The following EPB41L5 variants were observed in gnomAD, a reference collection of about 807,000 sequenced individuals.
EPB41L5 encodes the protein erythrocyte membrane protein band 4.1 like 5, also known as band 4.1-like protein 5.
A neutral mutation model predicts 106.6 loss-of-function variants in EPB41L5; 55 were observed. That is an observed-to-expected ratio of 0.52 (90% confidence interval 0.42 to 0.65). The LOEUF is 0.65. Among genes scored for constraint, EPB41L5 ranks in the 30% least tolerant of loss-of-function variants. EPB41L5 has a pLI of 0.00. For missense variants in EPB41L5, 871 were observed against 882.1 expected (o/e 0.99, Z 0.16); for synonymous variants, 297 against 306.7 (o/e 0.97, Z 0.33).
At chr2:120,159,316 G>A (rs1004437068) in intron 20 of EPB41L5, among the ~76,000 whole-genome samples, 4 of 150,254 alleles carry the variant, frequency 2.7e-5, no homozygotes, top group African/African-American at 9.8e-5. Flanking sequence ...CCAGCTACTC[G>A]GGAGGCTGAG....
At chr2:120,160,693 A>G (rs1687102164) in intron 20 of EPB41L5, 188 bp from the exon 21 acceptor site, 1 of 553,272 alleles carries the variant, frequency 1.8e-6, no homozygotes, top group Admixed American at 3.2e-5. Flanking sequence ...TTAAAAAACC[A>G]TTTTAACTGG....
At chr2:120,159,090 G>A (rs1687021640) in intron 20 of EPB41L5, among the ~76,000 whole-genome samples, 1 of 152,094 alleles carries the variant, frequency 6.6e-6, no homozygotes, top group African/African-American at 2.4e-5. Context: ...AGAAATCAGA[G>A]ATGACACAGA....
intron 3 of EPB41L5, among the ~76,000 whole-genome samples, chr2:120,062,111 C>T (rs932524352): frequency 1.3e-5 from 2 of 151,952 alleles, no homozygotes; most frequent in South Asian, 2.1e-4. Flanking sequence ...GAAGTACCAG[C>T]AAATGCAGTT....
At chr2:120,167,427 T>A in intron 22 of EPB41L5, 39 bp from the exon 23 acceptor site, 1 of 1,564,432 alleles carries the variant, frequency 6.4e-7, no homozygotes, top group South Asian at 1.1e-5. Context: ...TAAGTCAGTC[T>A]TTCCAAAAAG....
intron 2 of EPB41L5, among the ~76,000 whole-genome samples, chr2:120,037,794 A>G (rs920126785): frequency 6.6e-6 from 1 of 152,236 alleles, no homozygotes; most frequent in Admixed American, 6.5e-5. Flanking sequence ...TCAGTGGAGA[A>G]AAGACAGTCT....
intron 24 of EPB41L5, among the ~76,000 whole-genome samples, chr2:120,173,804 T>C (rs1327896978): frequency 6.6e-6 from 1 of 152,196 alleles, no homozygotes; most frequent in African/African-American, 2.4e-5. Flanking sequence ...TGCCTCAGCT[T>C]CCTGAGTAGC....
At position 120,050,095 on chromosome 2, in the gene EPB41L5, C is replaced by A. The variant is rs1362082384; in HGVS notation, c.285+7985C>A. ...GACCTTTCTCTCTGGCTGCCCTTAACATTTTTTCCTTCATTTCAACTTTGG... is the reference window on the plus strand; with the variant it reads ...GACCTTTCTCTCTGGCTGCCCTTAAAATTTTTTCCTTCATTTCAACTTTGG... On this transcript the variant is annotated intron_variant, in intron 3 of 24. Coordinates refer to ENST00000263713, the MANE Select transcript of EPB41L5 (RefSeq NM_020909.4). 2.0e-5 allele frequency among the ~76,000 whole-genome samples: 3 copies of A among 152,186 alleles called. 1 individual carries two copies. Among genetic ancestry groups the A allele is most frequent in the Admixed American group, 2.0e-4 (3 of 15,266 alleles).
chr2:120,109,522 C>A (rs113019319), intron 16 of EPB41L5, among the ~76,000 whole-genome samples: 6 of 152,260 alleles, frequency 3.9e-5, no homozygotes, highest in Non-Finnish European at 7.4e-5. Context: ...CCTTGCTTTC[C>A]CTGCTGTTAC....
chr2:120,168,641 A>G (rs1196049047), intron 24 of EPB41L5, among the ~76,000 whole-genome samples: 1 of 152,234 alleles, frequency 6.6e-6, no homozygotes, highest in Non-Finnish European at 1.5e-5. Flanking sequence ...TCCTCCTTGA[A>G]AATGTGGGTC....
intron 3 of EPB41L5, 67 bp from the exon 4 acceptor site, chr2:120,073,111 T>G (rs1382661423): frequency 5.0e-6 from 7 of 1,406,010 alleles, no homozygotes; most frequent in Non-Finnish European, 7.0e-6. Context: ...AAAGTAACTT[T>G]TAGTAATTCA....
intron 5 of EPB41L5, among the ~76,000 whole-genome samples, chr2:120,074,936 C>A (rs1337471712): frequency 1.3e-5 from 2 of 152,174 alleles, no homozygotes; most frequent in African/African-American, 4.8e-5. Flanking sequence ...TCAAGCAGTT[C>A]TCATGCCTCA....
intron 14 of EPB41L5, among the ~76,000 whole-genome samples, chr2:120,099,217 A>G: frequency 6.6e-6 from 1 of 152,068 alleles, no homozygotes; most frequent in East Asian, 1.9e-4. Flanking sequence ...CTTCAGGGAT[A>G]CCATTTATCC....
chr2:120,110,153 C>G (rs1437507685), intron 16 of EPB41L5, among the ~76,000 whole-genome samples: 2 of 152,168 alleles, frequency 1.3e-5, no homozygotes, highest in Non-Finnish European at 2.9e-5. Context: ...ATTTCTAATC[C>G]CACAGTCCAT....
intron 20 of EPB41L5, among the ~76,000 whole-genome samples, chr2:120,150,810 G>C (rs2105512538): frequency 6.6e-6 from 1 of 152,080 alleles, no homozygotes; most frequent in South Asian, 2.1e-4. Flanking sequence ...CCCATTCTGT[G>C]GATTGTCTTT....
chr2:120,165,916 C>T (rs1463981078), intron 22 of EPB41L5, among the ~76,000 whole-genome samples: 5 of 131,592 alleles, frequency 3.8e-5, no homozygotes, highest in Admixed American at 9.7e-5. Flanking sequence ...TGCAGTGAGC[C>T]GAGATAGCAC....
intron 16 of EPB41L5, chr2:120,104,506 G>A (rs1466995963): frequency 1.8e-6 from 2 of 1,115,664 alleles, no homozygotes; most frequent in African/African-American, 1.6e-5. Flanking sequence ...TCAGACCTTA[G>A]TATGTTCACA....
At chr2:120,013,903 A>T (rs939242030) in intron 1 of EPB41L5, among the ~76,000 whole-genome samples, 12 of 152,258 alleles carry the variant, frequency 7.9e-5, no homozygotes, top group African/African-American at 2.4e-4. Context: ...ATAACCGTGT[A>T]CATTTGTAAT....
chr2:120,033,769 C>A (rs1025365655), intron 2 of EPB41L5, among the ~76,000 whole-genome samples: 1 of 151,092 alleles, frequency 6.6e-6, no homozygotes, highest in Non-Finnish European at 1.5e-5. Flanking sequence ...TGGCGAAAAC[C>A]GCAATTACTT....
At chr2:120,024,663 G>C (rs1678186498) in intron 2 of EPB41L5, among the ~76,000 whole-genome samples, 1 of 152,066 alleles carries the variant, frequency 6.6e-6, no homozygotes, top group South Asian at 2.1e-4. Flanking sequence ...GTTTCACCGT[G>C]TTACCCAGGA....
Sources: gnomAD v4.1 joint callset for allele counts (sites outside exome capture counted in the v4.1 genomes callset) on GRCh38, gnomAD v4.1.1 for gene constraint, MANE v1.5 for transcripts, NCBI Gene and HGNC (gene_info 2026-07-23, HGNC 2026-07-21) for gene names.